The following RTTN variants were observed in gnomAD, a reference collection of about 807,000 sequenced individuals.
RTTN encodes the protein rotatin.
A neutral mutation model predicts 269.2 loss-of-function variants in RTTN; 182 were observed. That is an observed-to-expected ratio of 0.68 (90% CI 0.60 to 0.76). The LOEUF (loss-of-function observed/expected upper bound fraction) is 0.76, where lower values mean the gene tolerates loss of function less well. RTTN is among the 30% of genes least tolerant of loss of function. The pLI is 0.00. For synonymous variants in RTTN, 1,006 were observed against 963.5 expected, an observed-to-expected ratio of 1.04 and a Z score of -0.82; for missense variants, 2,545 against 2,608.6, an observed-to-expected ratio of 0.98 and a Z score of 0.53.
intron 11 of RTTN, among the ~76,000 whole-genome samples, chr18:70,171,442 C>T (rs2145942090): frequency 6.6e-6 from 1 of 152,296 alleles, no homozygotes; most frequent in East Asian, 1.9e-4. Flanking sequence ...ATATTAATTT[C>T]CTTTTCTCGC....
rs961603173 is a variant in RTTN, at chr18:70,046,849, G to A, written c.5541+1122C>T. Among the ~76,000 whole-genome samples, 3 of 152,306 alleles carry A rather than the reference G, an allele frequency of 2.0e-5. No homozygotes were observed. In the East Asian group the frequency reaches 5.8e-4, roughly 29 times the overall value. On this transcript the variant is annotated intron_variant, in intron 40 of 48. Transcript: ENST00000640769. ...TATGCTGGAAAGGTAACCAGATTTT[G>A]TAGCACAAGGGAGACAAAGTCCCCT...
At chr18:70,083,961 T>C (rs1293774638) in intron 32 of RTTN, among the ~76,000 whole-genome samples, 1 of 151,950 alleles carries the variant, frequency 6.6e-6, no homozygotes, top group Non-Finnish European at 1.5e-5. Flanking sequence ...AGGGCTCTAC[T>C]TTCTGGCATC....
At chr18:70,162,640 T>C (rs1003633235) in intron 14 of RTTN, among the ~76,000 whole-genome samples, 63 of 152,160 alleles carry the variant, frequency 4.1e-4, no homozygotes, top group African/African-American at 1.3e-3. Context: ...CCCCCATGAT[T>C]CCAATTACCT....
At chr18:70,181,464 A>C (rs2061420462) in intron 10 of RTTN, among the ~76,000 whole-genome samples, 1 of 152,142 alleles carries the variant, frequency 6.6e-6, no homozygotes, top group Non-Finnish European at 1.5e-5. Context: ...CAGCATAACT[A>C]ATTTTGGTGA....
chr18:70,134,088 T>C (rs1044166221), intron 23 of RTTN, among the ~76,000 whole-genome samples: 4 of 152,066 alleles, frequency 2.6e-5, no homozygotes, highest in Admixed American at 1.3e-4. Context: ...TGCTGGAATA[T>C]ATAGGAAAGG....
chr18:70,028,315 T>G (rs558145748), intron 43 of RTTN, among the ~76,000 whole-genome samples: 11 of 151,152 alleles, frequency 7.3e-5, no homozygotes, highest in African/African-American at 1.5e-4. Flanking sequence ...CCACACTAGG[T>G]AGCAGCTCTA....
intron 39 of RTTN, among the ~76,000 whole-genome samples, chr18:70,050,767 T>C (rs2057639706): frequency 6.6e-6 from 1 of 152,212 alleles, no homozygotes; most frequent in African/African-American, 2.4e-5. Flanking sequence ...GTTCATGTCC[T>C]TTCAGGTACA....
At chr18:70,198,151 T>C (rs545124255) in intron 5 of RTTN, among the ~76,000 whole-genome samples, 2 of 152,272 alleles carry the variant, frequency 1.3e-5, no homozygotes, top group South Asian at 4.1e-4. Flanking sequence ...AGAATTAAAG[T>C]CCTTACTGAT....
At chr18:70,047,773 C>T (rs1160250899) in intron 40 of RTTN, among the ~76,000 whole-genome samples, 198 bp downstream of exon 40, 1 of 152,136 alleles carries the variant, frequency 6.6e-6, no homozygotes, top group African/African-American at 2.4e-5. Context: ...ACTGAAGAAA[C>T]TGGTCAACAT....
At chr18:70,018,417 A>G (rs2056604713) in intron 45 of RTTN, among the ~76,000 whole-genome samples, 1 of 152,226 alleles carries the variant, frequency 6.6e-6, no homozygotes. Context: ...GCAGCATGGA[A>G]ACCACAGTTA....
chr18:70,180,149 T>C (rs1168367547), intron 10 of RTTN, among the ~76,000 whole-genome samples: 1 of 152,192 alleles, frequency 6.6e-6, no homozygotes, highest in Non-Finnish European at 1.5e-5. Context: ...TTTTATTTGC[T>C]TGGCCAAATC....
intron 7 of RTTN, among the ~76,000 whole-genome samples, chr18:70,195,806 T>C (rs2061790987): frequency 6.6e-6 from 1 of 152,200 alleles, no homozygotes; most frequent in Admixed American, 6.5e-5. Context: ...TACCAGTCAT[T>C]TGTACAATGC....
At chr18:70,197,414 G>A (rs1283235246) in intron 6 of RTTN, among the ~76,000 whole-genome samples, 1 of 152,144 alleles carries the variant, frequency 6.6e-6, no homozygotes, top group Non-Finnish European at 1.5e-5. Flanking sequence ...TGGCCAGACT[G>A]GACTGCAAGT....
intron 11 of RTTN, among the ~76,000 whole-genome samples, chr18:70,176,466 A>T (rs944083212): frequency 3.3e-5 from 5 of 152,212 alleles, no homozygotes; most frequent in Admixed American, 1.3e-4. Flanking sequence ...CGATTAAAAA[A>T]TAATTTCCCA....
In RTTN at chr18:70,159,150, A is replaced by G. The variant is rs371697365; in HGVS notation, c.1929+6912T>C. 1.6e-4 allele frequency among the ~76,000 whole-genome samples: 24 copies of G among 152,330 alleles called. No homozygotes were observed. The East Asian group carries it at 4.4e-3, about 28-fold the overall frequency. On this transcript the variant is annotated intron_variant, in intron 14 of 48. Coordinates refer to ENST00000640769, the MANE Select transcript of RTTN (RefSeq NM_173630.4). ...AGCAAAACACATTCTTCTCATCTGC[A>G]CACAGCACACACTCTAAGATCAACC... is the stretch of plus-strand genomic sequence containing the variant.
intron 26 of RTTN, 23 bp from the exon 27 acceptor site, chr18:70,114,622 A>G: frequency 6.2e-7 from 1 of 1,603,224 alleles, no homozygotes; most frequent in Non-Finnish European, 8.5e-7. Flanking sequence ...ATTTGTAAAA[A>G]ATGTATTTAC....
intron 10 of RTTN, among the ~76,000 whole-genome samples, chr18:70,184,742 G>T (rs1477584978): frequency 8.5e-6 from 1 of 118,200 alleles, no homozygotes; most frequent in South Asian, 3.0e-4. Flanking sequence ...GTGTGTGTGT[G>T]TGTGTGTGTG....
chr18:70,043,251 A>G (rs1046403149), intron 40 of RTTN, among the ~76,000 whole-genome samples: 4 of 152,224 alleles, frequency 2.6e-5, no homozygotes, highest in Admixed American at 1.3e-4. Flanking sequence ...AAATAATACA[A>G]TAATTACCTC....
intron 7 of RTTN, among the ~76,000 whole-genome samples, chr18:70,195,625 T>C (rs1344943581): frequency 1.3e-5 from 2 of 152,258 alleles, no homozygotes; most frequent in African/African-American, 4.8e-5. Context: ...TTGGATCTTA[T>C]TCGTTTGTTC....
Sources: allele counts gnomAD v4.1 joint callset (sites outside exome capture counted in the v4.1 genomes callset), GRCh38; gene constraint gnomAD v4.1.1; transcripts MANE v1.5; gene names NCBI Gene and HGNC (gene_info 2026-07-23, HGNC 2026-07-21).